KCNH1: variants seen among roughly 807,000 people sequenced by gnomAD.
KCNH1 encodes the protein voltage-gated delayed rectifier potassium channel KCNH1.
In KCNH1, 27 loss-of-function variants were observed where a neutral mutation model predicts 69.2. That is an observed-to-expected ratio of 0.39 (90% CI 0.29 to 0.54). The LOEUF (loss-of-function observed/expected upper bound fraction) is 0.54. Among genes scored for constraint, KCNH1 ranks in the 20% least tolerant of loss-of-function variants. KCNH1 has a pLI of 0.68. For missense variants in KCNH1, 798 were observed against 1,261.6 expected, an observed-to-expected ratio of 0.63 and a Z score of 5.57; for synonymous variants, 456 against 487.7, an observed-to-expected ratio of 0.93 and a Z score of 0.86.
intron 7 of KCNH1, among the ~76,000 whole-genome samples, chr1:210,882,922 TAC>T (rs1686527546): frequency 1.3e-5 from 2 of 152,194 alleles, no homozygotes; most frequent in Non-Finnish European, 1.5e-5. Flanking sequence ...GAATCATTAA[TAC>T]ATAGTAAAAA....
At chr1:210,880,670 T>C (rs373759235) in intron 7 of KCNH1, among the ~76,000 whole-genome samples, 10 of 152,278 alleles carry the variant, frequency 6.6e-5, no homozygotes, top group African/African-American at 2.4e-4. Flanking sequence ...ATCTCGGGTT[T>C]GGTGATGACT....
At chr1:210,859,294 G>A (rs1258034324) in intron 7 of KCNH1, 1 of 1,562,834 alleles carries the variant, frequency 6.4e-7, no homozygotes, top group Non-Finnish European at 8.8e-7. Context: ...TTCTTTGATT[G>A]GCCAGAGTTA....
intron 7 of KCNH1, among the ~76,000 whole-genome samples, chr1:210,871,015 C>T (rs1243447038): frequency 6.6e-6 from 1 of 152,110 alleles, no homozygotes; most frequent in Admixed American, 6.6e-5. Context: ...TTCTGCATAT[C>T]TCATGGAGTG....
At chr1:210,992,237 G>A (rs773738569) in intron 6 of KCNH1, among the ~76,000 whole-genome samples, 66 of 152,164 alleles carry the variant, frequency 4.3e-4, no homozygotes, top group Non-Finnish European at 8.5e-4. Flanking sequence ...ATAAGTACAA[G>A]CACGTATCTA....
intron 5 of KCNH1, among the ~76,000 whole-genome samples, chr1:211,047,572 T>C (rs1690115521): frequency 6.6e-6 from 1 of 152,154 alleles, no homozygotes; most frequent in African/African-American, 2.4e-5. Flanking sequence ...CTTGAGCAAG[T>C]CAAGATCTCC....
At position 210,984,223 on chromosome 1, in the gene KCNH1, C is replaced by G. The variant is rs61849025; in HGVS notation, c.1032+34560G>C. Among the ~76,000 whole-genome samples, 982 of 152,182 alleles carry G rather than the reference C, an allele frequency of 6.5e-3. 3 individuals are homozygous for G. Among genetic ancestry groups the G allele is most frequent in the Non-Finnish European group, 0.011 (752 of 67,982 alleles). ...ATACAATCATGTCATCTGCAAACAG[C>G]GACAATTTGACTTCCTCTTTTCCTA... On this transcript the variant is annotated intron_variant, in intron 6 of 10. Coordinates refer to ENST00000271751, the MANE Select transcript of KCNH1 (RefSeq NM_172362.3).
At chr1:210,974,642 C>A (rs1374041196) in intron 6 of KCNH1, among the ~76,000 whole-genome samples, 2 of 147,040 alleles carry the variant, frequency 1.4e-5, no homozygotes, top group Admixed American at 7.0e-5. Flanking sequence ...TGGCTCACTG[C>A]AAACTCCACC....
intron 7 of KCNH1, among the ~76,000 whole-genome samples, chr1:210,917,261 AAG>A (rs1261828145): frequency 2.0e-5 from 3 of 149,206 alleles, no homozygotes; most frequent in Admixed American, 6.6e-5. Flanking sequence ...GAAAGAAAGA[AAG>A]AAAGAAAGAA....
chr1:210,775,867 CT>C (rs1161408224), intron 9 of KCNH1, among the ~76,000 whole-genome samples: 1 of 152,140 alleles, frequency 6.6e-6, no homozygotes, highest in Non-Finnish European at 1.5e-5. Flanking sequence ...CCTTTTTCCC[CT>C]ATAACACTGA....
At chr1:211,053,455 AG>A (rs1690244621) in intron 5 of KCNH1, among the ~76,000 whole-genome samples, 1 of 152,188 alleles carries the variant, frequency 6.6e-6, no homozygotes, top group South Asian at 2.1e-4. Context: ...GGAGGCCACA[AG>A]CTCCTGCTGG....
chr1:210,924,133 C>G (rs1361977387), intron 6 of KCNH1, among the ~76,000 whole-genome samples: 4 of 152,196 alleles, frequency 2.6e-5, no homozygotes, highest in African/African-American at 4.8e-5. Flanking sequence ...AAGAGAAAGG[C>G]ATGCAATAGA....
At chr1:210,792,268 G>C (rs922170982) in intron 9 of KCNH1, among the ~76,000 whole-genome samples, 5 of 152,104 alleles carry the variant, frequency 3.3e-5, no homozygotes, top group African/African-American at 1.2e-4. Flanking sequence ...CCATGCCTCT[G>C]TATTTGTGGA....
chr1:211,078,136 T>A (rs1363354129), intron 5 of KCNH1, among the ~76,000 whole-genome samples: 1 of 152,094 alleles, frequency 6.6e-6, no homozygotes, highest in African/African-American at 2.4e-5. Flanking sequence ...TTAGAGACCT[T>A]AAAAGAGACT....
chr1:210,859,943 A>C (rs72755522), intron 7 of KCNH1: 21,654 of 1,555,104 alleles, frequency 0.014, 184 homozygotes, highest in Non-Finnish European at 0.017. Context: ...GCATACCCAT[A>C]GTTCAAAGTT....
chr1:211,101,197 A>G (rs552465654), intron 3 of KCNH1, among the ~76,000 whole-genome samples: 116 of 152,292 alleles, frequency 7.6e-4, no homozygotes, highest in African/African-American at 2.7e-3. Flanking sequence ...GTTCCCCTAC[A>G]GATGCTGTAA....
At chr1:210,780,313 T>C (rs959595409) in intron 9 of KCNH1, among the ~76,000 whole-genome samples, 2 of 152,162 alleles carry the variant, frequency 1.3e-5, no homozygotes, top group South Asian at 4.2e-4. Flanking sequence ...TATTTCCTAT[T>C]ATATGCTCTT....
intron 6 of KCNH1, among the ~76,000 whole-genome samples, chr1:210,925,394 A>G (rs1687551134): frequency 6.6e-6 from 1 of 152,104 alleles, no homozygotes; most frequent in African/African-American, 2.4e-5. Context: ...AAGGAACTTG[A>G]TCACTGCTAC....
chr1:210,994,311 C>G (rs181302929), intron 6 of KCNH1, among the ~76,000 whole-genome samples: 51 of 152,268 alleles, frequency 3.3e-4, no homozygotes, highest in African/African-American at 1.2e-3. Context: ...TATCTGAATG[C>G]CTATTGTGTG....
intron 5 of KCNH1, among the ~76,000 whole-genome samples, chr1:211,076,593 C>T (rs1166475641): frequency 2.0e-5 from 3 of 152,164 alleles, no homozygotes; most frequent in African/African-American, 4.8e-5. Context: ...ACACCAAAAC[C>T]CCATCTGTAG....
Sources: gnomAD v4.1 joint callset for allele counts (sites outside exome capture counted in the v4.1 genomes callset) on GRCh38, gnomAD v4.1.1 for gene constraint, MANE v1.5 for transcripts, NCBI Gene and HGNC (gene_info 2026-07-23, HGNC 2026-07-21) for gene names.